Variants in ARSG observed in about 807,000 individuals in gnomAD.
The protein encoded by ARSG is ASG.
In ARSG, 37 loss-of-function variants were observed where a neutral mutation model predicts 50.5. The observed-to-expected ratio is 0.73, with a 90% confidence interval of 0.56 to 0.96. The LOEUF is 0.96. ARSG is among the 50% of genes least tolerant of loss of function. The pLI is 0.00. For missense variants in ARSG, 629 were observed against 675.3 expected (o/e 0.93, Z 0.76); for synonymous variants, 225 against 254.6 (o/e 0.88, Z 1.11).
intron 9 of ARSG, among the ~76,000 whole-genome samples, chr17:68,385,559 AG>A (rs2080675425): frequency 4.6e-5 from 1 of 21,768 alleles, no homozygotes; most frequent in Non-Finnish European, 8.6e-5. Context: ...AGGGGAGGCG[AG>A]GGGAGGGGAG....
intron 2 of ARSG, among the ~76,000 whole-genome samples, chr17:68,312,514 T>C (rs575824202): frequency 8.0e-4 from 122 of 152,262 alleles, no homozygotes; most frequent in African/African-American, 2.9e-3. Context: ...CTACACGTTT[T>C]TTTTTTCTCA....
chr17:68,347,553 T>C (rs2078571017), intron 4 of ARSG, among the ~76,000 whole-genome samples: 1 of 152,196 alleles, frequency 6.6e-6, no homozygotes, highest in Admixed American at 6.5e-5. Context: ...AACCTGGCCA[T>C]AGACCCAAAC....
chr17:68,377,732 A>G (rs1244209598), intron 8 of ARSG, among the ~76,000 whole-genome samples: 2 of 152,276 alleles, frequency 1.3e-5, no homozygotes, highest in East Asian at 1.9e-4. Context: ...CAAAAGGATC[A>G]GGCAACTTAA....
chr17:68,330,835 T>A (rs1175057216), intron 2 of ARSG, among the ~76,000 whole-genome samples: 1 of 152,212 alleles, frequency 6.6e-6, no homozygotes, highest in African/African-American at 2.4e-5. Flanking sequence ...CACTGTGGCC[T>A]GGGCAGTTGC....
At chr17:68,359,823 G>C (rs1568519864) in intron 6 of ARSG, 1 of 152,170 alleles carries the variant, frequency 6.6e-6, no homozygotes, top group Non-Finnish European at 1.5e-5. Context: ...GCATCTTAAG[G>C]GTTTATCAGG....
intron 1 of ARSG, among the ~76,000 whole-genome samples, chr17:68,263,579 T>A (rs549450768): frequency 6.6e-6 from 1 of 152,254 alleles, no homozygotes; most frequent in South Asian, 2.1e-4. Flanking sequence ...AAGTGCTCTT[T>A]CTACCTCAGC....
the ARSG span, among the ~76,000 whole-genome samples, chr17:68,443,995 G>A: frequency 3.3e-5 from 5 of 152,304 alleles, no homozygotes; most frequent in East Asian, 9.6e-4. Context: ...CGAGAATTCA[G>A]TAAGGTTTAA....
intron 6 of ARSG, among the ~76,000 whole-genome samples, chr17:68,365,728 A>G (rs1407430541): frequency 6.6e-6 from 1 of 152,166 alleles, no homozygotes; most frequent in Non-Finnish European, 1.5e-5. Context: ...TAAATACTCA[A>G]TCTCACCATG....
Position 68,367,323 on chromosome 17 carries a change from GC to G in ARSG, c.705-1224del, listed in dbSNP as rs2079592856. Reference sequence around the variant, plus strand: ...CAGGGGGGATTTGAGGGCACAGTTGGCTATAGAGCAAGGCTGTAAGGTGGTG... The same window carrying G: ...CAGGGGGGATTTGAGGGCACAGTTGGTATAGAGCAAGGCTGTAAGGTGGTG... On this transcript the variant is annotated intron_variant, in intron 6 of 11. Transcript: ENST00000621439. The surrounding 1 kb of genome is among the most constrained non-coding windows in gnomAD (Gnocchi z 4.5). 6.6e-6 allele frequency among the ~76,000 whole-genome samples: 1 copy of G among 152,190 alleles called. No individual in the cohort carries two copies. The highest frequency in any genetic ancestry group is 2.1e-4 in the South Asian group (1 of 4,830).
intron 10 of ARSG, among the ~76,000 whole-genome samples, chr17:68,400,830 C>A (rs527359378): frequency 6.6e-6 from 1 of 152,316 alleles, no homozygotes; most frequent in African/African-American, 2.4e-5. Context: ...CTTTTGCCTA[C>A]TCTTCCAGAG....
the ARSG span, among the ~76,000 whole-genome samples, chr17:68,438,802 T>C: frequency 1.3e-5 from 2 of 152,240 alleles, no homozygotes; most frequent in Admixed American, 6.5e-5. Context: ...GGTTTCACCA[T>C]GTTGGCCAGG....
intron 9 of ARSG, among the ~76,000 whole-genome samples, chr17:68,392,376 T>C (rs1449734741): frequency 1.3e-5 from 2 of 152,252 alleles, no homozygotes; most frequent in Non-Finnish European, 2.9e-5. Context: ...AAAAGTCACA[T>C]GAACAAAATC....
intron 11 of ARSG, among the ~76,000 whole-genome samples, chr17:68,408,307 AT>A: frequency 8.3e-6 from 1 of 119,922 alleles, no homozygotes; most frequent in South Asian, 2.7e-4. Context: ...CCAGAGTGTG[AT>A]GTTCCCCTTC....
At chr17:68,309,893 TAAAG>T (rs150848202) in intron 2 of ARSG, among the ~76,000 whole-genome samples, 2,535 of 150,798 alleles carry the variant, frequency 0.017, 70 homozygotes, top group African/African-American at 0.059. Flanking sequence ...AGTAAATAAA[TAAAG>T]AAAGAAAGGG....
chr17:68,331,623 A>G (rs1172031751), intron 2 of ARSG, among the ~76,000 whole-genome samples: 1 of 152,136 alleles, frequency 6.6e-6, no homozygotes, highest in Non-Finnish European at 1.5e-5. Flanking sequence ...CGGCTTCCCA[A>G]AGTGCTAGGA....
At chr17:68,327,567 C>T (rs2077556566) in intron 2 of ARSG, among the ~76,000 whole-genome samples, 2 of 152,286 alleles carry the variant, frequency 1.3e-5, no homozygotes, top group East Asian at 1.9e-4. Context: ...CTCTGTGTCT[C>T]TCTGCTCTTC....
At chr17:68,434,627 C>A in the ARSG span, 2 of 1,613,806 alleles carry the variant, frequency 1.2e-6, no homozygotes, top group Non-Finnish European at 8.5e-7. Context: ...TGACTGTGCC[C>A]TGGAAAAGAA....
chr17:68,289,393 G>A (rs1280255456), upstream of ARSG, among the ~76,000 whole-genome samples: 1 of 152,108 alleles, frequency 6.6e-6, no homozygotes, highest in African/African-American at 2.4e-5. Flanking sequence ...TTTGGCCCGA[G>A]GGCATGAAAA....
At position 68,368,531 on chromosome 17, in the gene ARSG, T is replaced by C. The variant is rs546691438; in HGVS notation, c.705-17T>C. 6.8e-6 allele frequency: 11 copies of C among 1,611,628 alleles called. No homozygotes were observed. The Admixed American group carries it at 8.3e-5, about 12-fold the overall frequency. Reference sequence around the variant, plus strand: ...GAGAGCCTTCTGCAGAGTCACCTCTTGGTTCTCCTGTTTCAGCACCAGCGG... The same window carrying C: ...GAGAGCCTTCTGCAGAGTCACCTCTCGGTTCTCCTGTTTCAGCACCAGCGG... On this transcript the variant is annotated splice_polypyrimidine_tract_variant and intron_variant, in intron 6 of 11. Coordinates refer to ENST00000621439, the MANE Select transcript of ARSG (RefSeq NM_001267727.2).
Sources: gnomAD v4.1 joint callset for allele counts (sites outside exome capture counted in the v4.1 genomes callset) on GRCh38, gnomAD v4.1.1 for gene constraint, Gnocchi (gnomAD v3.1) non-coding constraint, MANE v1.5 for transcripts, NCBI Gene and HGNC (gene_info 2026-07-23, HGNC 2026-07-21) for gene names.